ADNP: variants seen among roughly 807,000 people sequenced by gnomAD.
ADNP encodes the protein activity-dependent neuroprotector homeobox protein.
A neutral mutation model predicts 84.9 loss-of-function variants in ADNP; 4 were observed. The observed-to-expected ratio is 0.05, with a 90% CI of 0.02 to 0.11. ADNP has a LOEUF of 0.11. Ranked by LOEUF, ADNP falls within the 10% of genes least tolerant of loss-of-function variation. The pLI is 1.00. For missense variants in ADNP, 1,132 were observed against 1,326.0 expected (o/e 0.85, Z 2.27); for synonymous variants, 554 against 468.1 (o/e 1.18, Z -2.37).
At chr20:50,896,903 TAAA>T (rs1294628245) in intron 5 of ADNP, among the ~76,000 whole-genome samples, 12 of 152,172 alleles carry the variant, frequency 7.9e-5, no homozygotes, top group Admixed American at 3.9e-4. Flanking sequence ...TCTCTATTAA[TAAA>T]AACCTTTTGG....
chr20:50,889,775 G>A lies in ADNP; in HGVS notation c.*1630C>T, dbSNP rs1434353710. On this transcript the variant is annotated 3_prime_UTR_variant, in exon 6 of 6. Transcript: ENST00000621696. ...TGTAACTTTCTGCTTTTTAGTACAA[G>A]TTCTCTTGGGAATCTACGCATGGTA... 5.0e-6 allele frequency: 2 copies of A among 397,500 alleles called. No individual in the cohort carries two copies. The highest frequency in any genetic ancestry group is 8.9e-6 in the Non-Finnish European group (2 of 225,610). 24.6% of individuals were successfully genotyped at this position (397,500 alleles called of 1,614,324 possible).
intron 5 of ADNP, among the ~76,000 whole-genome samples, chr20:50,897,445 A>G (rs1981524734): frequency 6.6e-6 from 1 of 152,012 alleles, no homozygotes; most frequent in South Asian, 2.1e-4. Context: ...GTCCTCATCC[A>G]CACCCCGGTT....
intron 2 of ADNP, among the ~76,000 whole-genome samples, chr20:50,918,197 A>C (rs895927120): frequency 1.1e-4 from 17 of 152,308 alleles, no homozygotes; most frequent in African/African-American, 4.1e-4. Flanking sequence ...TGGGAAATTT[A>C]AGGCAGCAGT....
intron 2 of ADNP, among the ~76,000 whole-genome samples, chr20:50,908,446 A>G (rs750674402): frequency 1.1e-4 from 17 of 152,218 alleles, no homozygotes; most frequent in South Asian, 1.0e-3. Flanking sequence ...GTTAAGAAAC[A>G]TAAGTTCAAA....
In ADNP at chr20:50,892,508, TATC is replaced by T. The variant is rs777999072; in HGVS notation, c.2203_2205del (p.Asp735del). 4.5e-5 allele frequency: 73 copies of T among 1,614,120 alleles called. No homozygotes were observed. Among genetic ancestry groups the T allele is most frequent in the Non-Finnish European group, 6.0e-5 (71 of 1,180,054 alleles). On this transcript the variant is annotated inframe_deletion, in exon 6 of 6. Coordinates refer to ENST00000621696, the MANE Select transcript of ADNP (RefSeq NM_001282531.3). Reference sequence around the variant, plus strand: ...TCTTCAAAGAAGCTGGGTGAATCACTATCATCATCTAACTTTCGTTTTTTCAGT... The same window carrying T: ...TCTTCAAAGAAGCTGGGTGAATCACTATCATCTAACTTTCGTTTTTTCAGT...
At position 50,904,018 on chromosome 20, in the gene ADNP, T is replaced by C; in HGVS notation, c.-5-17A>G. ...ACATAGTTTCTATTGGAAAAAAAAA[T>C]TTAAGTCAAAGTCAAAACACGTACA... is the stretch of plus-strand genomic sequence containing the variant. On this transcript the variant is annotated splice_polypyrimidine_tract_variant and intron_variant, in intron 3 of 5. Coordinates refer to ENST00000621696, the MANE Select transcript of ADNP (RefSeq NM_001282531.3). 6.3e-7 allele frequency: 1 copy of C among 1,580,512 alleles called. No homozygotes were observed. Among genetic ancestry groups the C allele is most frequent in the Non-Finnish European group, 8.7e-7 (1 of 1,153,388 alleles).
intron 2 of ADNP, among the ~76,000 whole-genome samples, chr20:50,914,684 C>A (rs1983369871): frequency 1.3e-5 from 2 of 152,148 alleles, no homozygotes; most frequent in Non-Finnish European, 2.9e-5. Flanking sequence ...TCTTCAGCAA[C>A]CTCCGAGCAT....
At chr20:50,920,175 G>A (rs923697044) in intron 2 of ADNP, among the ~76,000 whole-genome samples, 9 of 149,356 alleles carry the variant, frequency 6.0e-5, no homozygotes, top group African/African-American at 2.2e-4. Flanking sequence ...TACTCAGGAC[G>A]CTGAGGCAGA....
At chr20:50,927,696 T>G (rs1372110120) in intron 2 of ADNP, among the ~76,000 whole-genome samples, 1 of 152,168 alleles carries the variant, frequency 6.6e-6, no homozygotes, top group East Asian at 1.9e-4. Flanking sequence ...TCACCTGGCC[T>G]CACCTTATTT....
Position 50,891,361 on chromosome 20 carries a change from A to AG in ADNP, c.*43dup. On this transcript the variant is annotated 3_prime_UTR_variant, in exon 6 of 6. Coordinates refer to ENST00000621696, the MANE Select transcript of ADNP (RefSeq NM_001282531.3). ...GCTTTGCAGTCACACTGGATATCAG[A>AG]GTTCCAGGCTGCAGCATGTCACCAA... The AG allele has an allele frequency of 6.5e-7, 1 of 1,532,556 alleles. No homozygotes were observed. Among genetic ancestry groups the AG allele is most frequent in the Non-Finnish European group, 8.7e-7 (1 of 1,145,714 alleles). The allele number at this position is 1,532,556 out of a possible 1,614,324, so 94.9% of individuals were successfully genotyped here. A position where few individuals can be genotyped will look rare whatever the true frequency, so the allele number is the denominator to read the frequency against.
intron 2 of ADNP, among the ~76,000 whole-genome samples, chr20:50,916,356 A>G (rs1983510248): frequency 6.6e-6 from 1 of 152,234 alleles, no homozygotes; most frequent in South Asian, 2.1e-4. Flanking sequence ...GCTTCTGTTC[A>G]CAAGTTTATG....
chr20:50,896,387 C>T (rs1341239399), intron 5 of ADNP, among the ~76,000 whole-genome samples: 3 of 151,906 alleles, frequency 2.0e-5, no homozygotes, highest in African/African-American at 4.8e-5. Flanking sequence ...GACAGGAGTT[C>T]GACACCAGCC....
intron 2 of ADNP, among the ~76,000 whole-genome samples, chr20:50,910,289 A>C (rs1200678644): frequency 6.6e-6 from 1 of 152,216 alleles, no homozygotes; most frequent in Non-Finnish European, 1.5e-5. Context: ...AAGCTCAATG[A>C]CCTATTAATA....
rs1351581725 is a variant in ADNP at position 50,893,406 on chromosome 20, G to A, written c.1308C>T (p.Pro436=). The A allele has an allele frequency of 1.2e-6, 2 of 1,614,160 alleles. No individual in the cohort carries two copies. Among genetic ancestry groups the A allele is most frequent in the Non-Finnish European group, 1.7e-6 (2 of 1,180,030 alleles). The stretch of plus-strand genomic sequence containing the variant: ...TTTGAGTTGAGGAAGTGTTACCTGG[G>A]GGAGGGCCTGTGGCAGCTGCAGCAG... The part of the protein sequence containing the change: ...SKPAAAATGP[P]PGNTSSTQKW... Residue 436 remains proline, a synonymous_variant, in exon 6 of 6, where the codon CCC becomes CCT. Transcript: ENST00000621696. The surrounding 1 kb of genome is among the most constrained non-coding windows in gnomAD (Gnocchi z 4.4).
At chr20:50,909,026 A>G (rs904609445) in intron 2 of ADNP, among the ~76,000 whole-genome samples, 3 of 151,884 alleles carry the variant, frequency 2.0e-5, no homozygotes, top group Admixed American at 1.3e-4. Context: ...TGACATGCAG[A>G]AGGATAGCTA....
chr20:50,925,343 TGAG>T (rs1438515705), intron 2 of ADNP, among the ~76,000 whole-genome samples: 9 of 151,810 alleles, frequency 5.9e-5, no homozygotes, highest in Non-Finnish European at 1.5e-5. Flanking sequence ...TGATAATATG[TGAG>T]GAGAGCCTTC....
chr20:50,923,749 C>A (rs1259633921), intron 2 of ADNP, among the ~76,000 whole-genome samples: 1 of 152,134 alleles, frequency 6.6e-6, no homozygotes, highest in African/African-American at 2.4e-5. Flanking sequence ...AACTCCTGAC[C>A]TCAGGTGACC....
intron 2 of ADNP, 114 bp downstream of exon 2, chr20:50,928,537 G>C (rs898818989): frequency 1.3e-5 from 2 of 152,212 alleles, no homozygotes; most frequent in African/African-American, 4.8e-5. Flanking sequence ...GTTCCTTGAG[G>C]AATGTGGCTA....
At chr20:50,902,993 T>C (rs1327476690) in intron 4 of ADNP, among the ~76,000 whole-genome samples, 1 of 152,242 alleles carries the variant, frequency 6.6e-6, no homozygotes, top group Admixed American at 6.5e-5. Flanking sequence ...CAAGTATTAT[T>C]AGTGGAACTC....
Sources: allele counts gnomAD v4.1 joint callset (sites outside exome capture counted in the v4.1 genomes callset), GRCh38; gene constraint gnomAD v4.1.1; non-coding constraint Gnocchi (gnomAD v3.1); transcripts MANE v1.5; gene names NCBI Gene and HGNC (gene_info 2026-07-23, HGNC 2026-07-21).